Variants in TRRAP observed in about 807,000 individuals in gnomAD.
The protein encoded by TRRAP is transformation/transcription domain associated protein.
Under a neutral mutation model 438.8 loss-of-function variants are expected in TRRAP, and 41 were observed. The ratio of observed to expected loss-of-function variants is 0.09; its 90% CI spans 0.07 to 0.12. TRRAP has a LOEUF of 0.12. Among genes scored for constraint, TRRAP ranks in the 10% least tolerant of loss-of-function variants. The probability of loss-of-function intolerance (pLI) is 1.00; values close to 1 mark genes in which losing one functional copy is unlikely to be tolerated. For missense variants in TRRAP, 3,122 were observed against 5,055.1 expected (o/e 0.62, Z 11.60); for synonymous variants, 1,994 against 1,962.9 (o/e 1.02, Z -0.42).
At chr7:98,961,189 A>T (rs1412264747) in intron 45 of TRRAP, 72 bp from the exon 46 acceptor site, 1 of 1,509,500 alleles carries the variant, frequency 6.6e-7, no homozygotes, top group African/African-American at 1.4e-5. Flanking sequence ...ATTTTGCCAG[A>T]CTCTTGTTTC....
intron 66 of TRRAP, among the ~76,000 whole-genome samples, chr7:98,993,982 G>T (rs1018071205): frequency 6.6e-6 from 1 of 152,218 alleles, no homozygotes; most frequent in Non-Finnish European, 1.5e-5. Flanking sequence ...AATGCTGGCC[G>T]TGCTCATGTC....
intron 35 of TRRAP, 96 bp from the exon 36 acceptor site, chr7:98,949,321 T>C: frequency 7.6e-7 from 1 of 1,322,416 alleles, no homozygotes. Flanking sequence ...TTTAGAAAGA[T>C]TTTTAAAAGA....
intron 64 of TRRAP, 127 bp downstream of exon 64, chr7:98,990,746 A>T (rs1793396940): frequency 3.9e-6 from 4 of 1,023,314 alleles, no homozygotes; most frequent in South Asian, 4.0e-5. Flanking sequence ...AGATGGGAAG[A>T]TATAATCATG....
intron 40 of TRRAP, 132 bp downstream of exon 40, chr7:98,953,565 CTG>C (rs1554418783): frequency 7.6e-7 from 1 of 1,313,888 alleles, no homozygotes; most frequent in Non-Finnish European, 1.0e-6. Flanking sequence ...AACACAGACA[CTG>C]TATGATTCCA....
chr7:99,011,296 C>A lies in TRRAP; in HGVS notation c.11142+41C>A. The A allele has an allele frequency of 6.2e-7, 1 of 1,612,696 alleles. No individual in the cohort carries two copies. Among genetic ancestry groups the A allele is most frequent in the Non-Finnish European group, 8.5e-7 (1 of 1,178,692 alleles). On this transcript the variant is annotated intron_variant, in intron 71 of 72. Coordinates refer to ENST00000456197, the MANE Select transcript of TRRAP (RefSeq NM_001375524.1). This position sits in a 1 kb window ranked among gnomAD's most constrained non-coding sequence, Gnocchi z 7.1. ...CAGCCAGATCCTCTCCTCGTGACATCGCCTTTCTGCTGAAGTTCCTAAAGT... is the reference window on the plus strand; with the variant it reads ...CAGCCAGATCCTCTCCTCGTGACATAGCCTTTCTGCTGAAGTTCCTAAAGT...
In TRRAP at chr7:98,903,529, C is replaced by T. The variant is rs1357706263; in HGVS notation, c.1036+12C>T. The T allele has an allele frequency of 2.5e-6, 4 of 1,613,808 alleles. No individual in the cohort carries two copies. Among genetic ancestry groups the T allele is most frequent in the Non-Finnish European group, 3.4e-6 (4 of 1,179,948 alleles). ...AGAGCTGAGAAACCGTACGTCCAGC[C>T]TGTCTTGTCTTGAATGCTGATGCTA... On this transcript the variant is annotated intron_variant, in intron 12 of 72. Transcript: ENST00000456197.
chr7:98,889,919 ATT>A (rs1428114040), intron 3 of TRRAP, among the ~76,000 whole-genome samples: 3 of 152,170 alleles, frequency 2.0e-5, no homozygotes, highest in Non-Finnish European at 4.4e-5. Context: ...TTATAATATA[ATT>A]AGTATACATC....
chr7:99,010,543 G>A (rs567982174), intron 70 of TRRAP, among the ~76,000 whole-genome samples: 1 of 152,310 alleles, frequency 6.6e-6, no homozygotes, highest in East Asian at 1.9e-4. Context: ...TTAACTGAGT[G>A]AACTCTTACT....
rs1036936726 is a variant in TRRAP, at chr7:99,011,997, C to A, written c.11338-74C>A. 1.3e-5 allele frequency: 21 copies of A among 1,558,084 alleles called. No individual in the cohort carries two copies. In the African/African-American group the frequency reaches 2.4e-4, roughly 18 times the overall value. On this transcript the variant is annotated intron_variant, in intron 72 of 72. Coordinates refer to ENST00000456197, the MANE Select transcript of TRRAP (RefSeq NM_001375524.1). The surrounding 1 kb of genome is among the most constrained non-coding windows in gnomAD (Gnocchi z 7.1). ...CTGAGCGGCCGCTGTGGTTGAGTCC[C>A]ACCTTGTTAGGAAGCTGCCCCTGTG...
intron 44 of TRRAP, 27 bp from the exon 45 acceptor site, chr7:98,959,317 C>T (rs1054041528): frequency 1.9e-6 from 3 of 1,610,002 alleles, no homozygotes; most frequent in African/African-American, 1.3e-5. Context: ...CAGTGAAATG[C>T]CGGCTGTAAC....
rs767195004 is a variant in TRRAP, at chr7:98,965,666, C to T, written c.6977-30C>T. The T allele has an allele frequency of 5.3e-5, 86 of 1,613,042 alleles. 1 individual carries two copies. In the South Asian group the frequency reaches 7.9e-4, roughly 15 times the overall value. ...CTGTTTAAATCAACGTTTAGAGACC[C>T]GTGGGTTTGTTCTTAATTGGGGCGA... is the stretch of plus-strand genomic sequence containing the variant. On this transcript the variant is annotated intron_variant, in intron 48 of 72. Coordinates refer to ENST00000456197, the MANE Select transcript of TRRAP (RefSeq NM_001375524.1).
chr7:98,881,623 C>T (rs781891596), intron 2 of TRRAP: 2 of 287,104 alleles, frequency 7.0e-6, no homozygotes, highest in Non-Finnish European at 1.3e-5. Flanking sequence ...TATCTCAGCT[C>T]AGATGTTGTG....
chr7:99,011,249 C>A lies in TRRAP; in HGVS notation c.11136C>A (p.Ile3712=), dbSNP rs774337437. 2 of 1,614,208 alleles carry A rather than the reference C, an allele frequency of 1.2e-6. No homozygotes were observed. The highest frequency in any genetic ancestry group is 1.7e-6 in the Non-Finnish European group (2 of 1,180,032). ...LNRLNPEMLQ[I]AQDTGKLNVA... ...GACTCAACCCCGAGATGTTACAGAT[C>A]GCTCAGGTAACCTGCTTTGAACAGC... The change falls in exon 71 of 73, where the codon ATC becomes ATA. Residue 3712 remains isoleucine (I), a synonymous_variant. Transcript: ENST00000456197. This position sits in a 1 kb window ranked among gnomAD's most constrained non-coding sequence, Gnocchi z 7.1.
chr7:98,911,922 A>T, intron 17 of TRRAP, 100 bp from the exon 18 acceptor site: 2 of 1,084,310 alleles, frequency 1.8e-6, no homozygotes, highest in South Asian at 3.2e-5. Flanking sequence ...GGAATGTGTG[A>T]TACAGGCTTG....
At chr7:98,988,279 A>G (rs545440513) in intron 62 of TRRAP, among the ~76,000 whole-genome samples, 1 of 152,342 alleles carries the variant, frequency 6.6e-6, no homozygotes, top group East Asian at 1.9e-4. Context: ...TCCCTGGTAT[A>G]CACCCAGAAG....
At chr7:99,002,602 C>T (rs554900358) in intron 67 of TRRAP, among the ~76,000 whole-genome samples, 46 of 152,254 alleles carry the variant, frequency 3.0e-4, no homozygotes, top group African/African-American at 9.9e-4. Context: ...TGGGGGATCT[C>T]ACCTTGGTGC....
rs375268994 is a variant in TRRAP at position 98,945,057 on chromosome 7, C to T, written c.4474-690C>T. ...TGACCTCAGGTGATCCACCTGCTTTCGCCTCCCAAAGTGCTGGGATTACAG... is the reference window on the plus strand; with the variant it reads ...TGACCTCAGGTGATCCACCTGCTTTTGCCTCCCAAAGTGCTGGGATTACAG... On this transcript the variant is annotated intron_variant, in intron 31 of 72. Transcript: ENST00000456197. Among the ~76,000 whole-genome samples the T allele has an allele frequency of 5.5e-4, 83 of 152,210 alleles. 1 individual carries two copies. Among genetic ancestry groups the T allele is most frequent in the African/African-American group, 1.8e-3 (76 of 41,518 alleles).
At position 99,011,581 on chromosome 7, in the gene TRRAP, C is replaced by G. The variant is rs2116885621; in HGVS notation, c.11337+46C>G. The G allele has an allele frequency of 6.3e-7, 1 of 1,581,920 alleles. No individual in the cohort carries two copies. Among genetic ancestry groups the G allele is most frequent in the Non-Finnish European group, 8.6e-7 (1 of 1,165,028 alleles). ...ATCACAGGCGCAGGCTAGAGCCACTCAGATGCCCGCGCGTCACGGCCTTGC... is the reference window on the plus strand; with the variant it reads ...ATCACAGGCGCAGGCTAGAGCCACTGAGATGCCCGCGCGTCACGGCCTTGC... On this transcript the variant is annotated intron_variant, in intron 72 of 72. Coordinates refer to ENST00000456197, the MANE Select transcript of TRRAP (RefSeq NM_001375524.1). The surrounding 1 kb of genome is among the most constrained non-coding windows in gnomAD (Gnocchi z 7.1).
At chr7:98,919,054 T>TA (rs1224559815) in intron 20 of TRRAP, among the ~76,000 whole-genome samples, 1 of 152,198 alleles carries the variant, frequency 6.6e-6, no homozygotes, top group East Asian at 1.9e-4. Flanking sequence ...TTGCTGTTGT[T>TA]ACTGATTTGT....
Sources: allele counts gnomAD v4.1 joint callset (sites outside exome capture counted in the v4.1 genomes callset), GRCh38; gene constraint gnomAD v4.1.1; non-coding constraint Gnocchi (gnomAD v3.1); transcripts MANE v1.5; gene names NCBI Gene and HGNC (gene_info 2026-07-23, HGNC 2026-07-21).